The following CACNB2 variants were observed in gnomAD, a reference collection of about 807,000 sequenced individuals.
The protein encoded by CACNB2 is voltage-dependent L-type calcium channel subunit beta-2.
Under a neutral mutation model 73.3 loss-of-function variants are expected in CACNB2, and 42 were observed. That is an observed-to-expected ratio of 0.57 (90% confidence interval 0.45 to 0.74). The LOEUF (loss-of-function observed/expected upper bound fraction) is 0.74. Ranked by LOEUF, CACNB2 falls within the 30% of genes least tolerant of loss-of-function variation. CACNB2 has a pLI of 0.00. For synonymous variants in CACNB2, 348 were observed against 310.3 expected, an observed-to-expected ratio of 1.12 and a Z score of -1.28; for missense variants, 940 against 853.0, an observed-to-expected ratio of 1.10 and a Z score of -1.27.
chr10:18,240,584 CA>C (rs2036610627), intron 2 of CACNB2, among the ~76,000 whole-genome samples: 1 of 152,164 alleles, frequency 6.6e-6, no homozygotes, highest in South Asian at 2.1e-4. Context: ...TCAACACATC[CA>C]AAATTGAAAC....
chr10:18,340,578 A>G, intron 2 of CACNB2: 1 of 656,102 alleles, frequency 1.5e-6, no homozygotes, highest in South Asian at 3.2e-5. Flanking sequence ...CGCATCTGAT[A>G]CTAATGAAGT....
chr10:18,487,936 G>A (rs1002087180), intron 3 of CACNB2, among the ~76,000 whole-genome samples: 8 of 151,840 alleles, frequency 5.3e-5, no homozygotes, highest in African/African-American at 1.9e-4. Context: ...AAAGGCTGCT[G>A]CAGCGACCCT....
intron 2 of CACNB2, among the ~76,000 whole-genome samples, chr10:18,348,517 A>T (rs1307438932): frequency 6.6e-6 from 1 of 152,026 alleles, no homozygotes; most frequent in Non-Finnish European, 1.5e-5. Flanking sequence ...GGATAGGTGG[A>T]TAGATAGATT....
At chr10:18,536,064 A>T in intron 11 of CACNB2, 37 bp from the exon 12 acceptor site, 1 of 1,233,054 alleles carries the variant, frequency 8.1e-7, no homozygotes, top group Non-Finnish European at 1.2e-6. Flanking sequence ...ACCTGGATGT[A>T]GTTATTACTC....
intron 2 of CACNB2, among the ~76,000 whole-genome samples, chr10:18,199,244 G>A (rs1045259610): frequency 2.6e-5 from 4 of 152,180 alleles, no homozygotes; most frequent in Admixed American, 6.5e-5. Flanking sequence ...TCTAGAAATT[G>A]CAACAAAGAA....
intron 2 of CACNB2, among the ~76,000 whole-genome samples, chr10:18,361,693 A>C (rs954549112): frequency 4.6e-5 from 7 of 151,130 alleles, no homozygotes; most frequent in Admixed American, 1.3e-4. Context: ...AGCTCACTGA[A>C]ACTTCCACCT....
intron 3 of CACNB2, among the ~76,000 whole-genome samples, chr10:18,464,418 TAAAAAAA>T (rs762982462): frequency 0.085 from 7,228 of 85,442 alleles, 892 homozygotes; most frequent in African/African-American, 0.27. Context: ...TCTCAAAAAT[TAAAAAAA>T]AAAAAAAAAA....
chr10:18,509,805 C>A (rs764372056), intron 6 of CACNB2, among the ~76,000 whole-genome samples: 1 of 151,244 alleles, frequency 6.6e-6, no homozygotes, highest in Non-Finnish European at 1.5e-5. Flanking sequence ...AATAAATAAA[C>A]AAACAAACAG....
chr10:18,325,846 G>A (rs1472442718), intron 2 of CACNB2, among the ~76,000 whole-genome samples: 1 of 151,578 alleles, frequency 6.6e-6, no homozygotes, highest in Non-Finnish European at 1.5e-5. Context: ...CCAGACTCAA[G>A]CCAACCTCTC....
At chr10:18,301,621 G>A (rs1192682874) in intron 2 of CACNB2, among the ~76,000 whole-genome samples, 1 of 150,792 alleles carries the variant, frequency 6.6e-6, no homozygotes. Flanking sequence ...AGCTGTTCAG[G>A]TAAATCCACT....
intron 2 of CACNB2, among the ~76,000 whole-genome samples, chr10:18,289,407 G>C (rs553162216): frequency 6.7e-6 from 1 of 148,308 alleles, no homozygotes; most frequent in South Asian, 2.1e-4. Context: ...CCATTCTCCT[G>C]CCTCAGCCTC....
At chr10:18,263,766 A>T (rs958117066) in intron 2 of CACNB2, among the ~76,000 whole-genome samples, 3 of 152,280 alleles carry the variant, frequency 2.0e-5, no homozygotes, top group Non-Finnish European at 2.9e-5. Flanking sequence ...GCCTCCGCTC[A>T]CTTGTTTAAC....
At chr10:18,171,683 G>A (rs994311253) in intron 2 of CACNB2, among the ~76,000 whole-genome samples, 2 of 151,528 alleles carry the variant, frequency 1.3e-5, no homozygotes, top group Non-Finnish European at 2.9e-5. Context: ...TTTGGACAAG[G>A]ATGAAGCACT....
chr10:18,321,875 A>G (rs1334255707), intron 2 of CACNB2, among the ~76,000 whole-genome samples: 1 of 152,052 alleles, frequency 6.6e-6, no homozygotes, highest in Non-Finnish European at 1.5e-5. Context: ...TTTCTAAGCC[A>G]GGGGTGGTGG....
chr10:18,239,721 A>C (rs989165918), intron 2 of CACNB2, among the ~76,000 whole-genome samples: 1 of 152,194 alleles, frequency 6.6e-6, no homozygotes, highest in Non-Finnish European at 1.5e-5. Flanking sequence ...AGTTTTGAAG[A>C]ATTGAGTCAA....
chr10:18,241,157 G>T (rs2036634195), intron 2 of CACNB2, among the ~76,000 whole-genome samples: 1 of 152,106 alleles, frequency 6.6e-6, no homozygotes, highest in Non-Finnish European at 1.5e-5. Flanking sequence ...ATTGATTGAT[G>T]TCTTGTGTCT....
intron 2 of CACNB2, among the ~76,000 whole-genome samples, chr10:18,299,390 G>C (rs1252962495): frequency 6.6e-6 from 1 of 152,186 alleles, no homozygotes; most frequent in African/African-American, 2.4e-5. Flanking sequence ...CTCCACTGTG[G>C]TTACTCAGAA....
intron 3 of CACNB2, among the ~76,000 whole-genome samples, chr10:18,449,186 C>T (rs1052403952): frequency 3.9e-5 from 6 of 152,094 alleles, no homozygotes; most frequent in South Asian, 2.1e-4. Flanking sequence ...AGATCAAGAC[C>T]GTCCTGGCTA....
intron 3 of CACNB2, among the ~76,000 whole-genome samples, chr10:18,465,463 G>C (rs1468226045): frequency 6.6e-6 from 1 of 152,176 alleles, no homozygotes; most frequent in Non-Finnish European, 1.5e-5. Flanking sequence ...ATGAGAAGAT[G>C]AGAGTGTAAT....
Sources: gnomAD v4.1 joint callset for allele counts (sites outside exome capture counted in the v4.1 genomes callset) on GRCh38, gnomAD v4.1.1 for gene constraint, MANE v1.5 for transcripts, NCBI Gene and HGNC (gene_info 2026-07-23, HGNC 2026-07-21) for gene names.